The following ATRN variants were observed in gnomAD, a reference collection of about 807,000 sequenced individuals.
The protein encoded by ATRN is attractin-2.
A neutral mutation model predicts 178.7 loss-of-function variants in ATRN; 54 were observed. That is an observed-to-expected ratio of 0.30 (90% CI 0.24 to 0.38). The LOEUF (loss-of-function observed/expected upper bound fraction) is 0.38. ATRN is among the 10% of genes least tolerant of loss of function. The pLI, the probability that ATRN is intolerant of heterozygous loss-of-function variation, is 1.00. For missense variants in ATRN, 1,443 were observed against 1,815.1 expected, an observed-to-expected ratio of 0.79 and a Z score of 3.73; for synonymous variants, 636 against 663.0, an observed-to-expected ratio of 0.96 and a Z score of 0.63.
intron 28 of ATRN, among the ~76,000 whole-genome samples, chr20:3,644,494 C>T (rs987910141): frequency 2.6e-5 from 4 of 152,238 alleles, no homozygotes; most frequent in South Asian, 2.1e-4. Flanking sequence ...ACCTCCTCAC[C>T]GTTCTGGCCT....
chr20:3,562,474 T>C lies in ATRN; in HGVS notation c.1631+15T>C, dbSNP rs759140019. On this transcript the variant is annotated intron_variant, in intron 9 of 28. Coordinates refer to ENST00000262919, the MANE Select transcript of ATRN (RefSeq NM_139321.3). ...ACCCAGATGTGGTGGGTACTTTTTCTTGAGCTTTCACTTTAAGGTGTAAAT... is the reference window on the plus strand; with the variant it reads ...ACCCAGATGTGGTGGGTACTTTTTCCTGAGCTTTCACTTTAAGGTGTAAAT... The C allele has an allele frequency of 3.5e-5, 57 of 1,612,634 alleles. No homozygotes were observed. Among genetic ancestry groups the C allele is most frequent in the Middle Eastern group, 1.7e-4 (1 of 6,048 alleles).
At chr20:3,478,528 G>A (rs1187258805) in intron 1 of ATRN, among the ~76,000 whole-genome samples, 1 of 152,082 alleles carries the variant, frequency 6.6e-6, no homozygotes, top group Non-Finnish European at 1.5e-5. Flanking sequence ...ACACACTGGG[G>A]CTTTCGGTGG....
intron 23 of ATRN, among the ~76,000 whole-genome samples, chr20:3,602,520 T>C (rs555865644): frequency 1.3e-5 from 2 of 152,286 alleles, no homozygotes; most frequent in East Asian, 3.9e-4. Flanking sequence ...AAAATAAGAA[T>C]ATTGCCTTGT....
Position 3,645,026 on chromosome 20 carries a change from T to G in ATRN, c.4165+758T>G, listed in dbSNP as rs991247798. Among the ~76,000 whole-genome samples the G allele has an allele frequency of 2.0e-5, 3 of 152,268 alleles. No individual in the cohort carries two copies. The highest frequency in any genetic ancestry group is 7.2e-5 in the African/African-American group (3 of 41,468). Reference sequence around the variant, plus strand: ...CTCCATCAAATATATGAATCATGATTATATAAACTTCTATTTTGAAGACAG... The same window carrying G: ...CTCCATCAAATATATGAATCATGATGATATAAACTTCTATTTTGAAGACAG... On this transcript the variant is annotated intron_variant, in intron 28 of 28. Coordinates refer to ENST00000262919, the MANE Select transcript of ATRN (RefSeq NM_139321.3). This position sits in a 1 kb window ranked among gnomAD's most constrained non-coding sequence, Gnocchi z 4.7.
intron 24 of ATRN, among the ~76,000 whole-genome samples, chr20:3,620,315 G>C (rs1036206951): frequency 1.3e-5 from 2 of 152,072 alleles, no homozygotes; most frequent in African/African-American, 2.4e-5. Flanking sequence ...TGCGATCTTG[G>C]CTTACCGCAA....
intron 24 of ATRN, among the ~76,000 whole-genome samples, chr20:3,615,290 G>C (rs1191465992): frequency 6.6e-6 from 1 of 151,652 alleles, no homozygotes; most frequent in Non-Finnish European, 1.5e-5. Flanking sequence ...TTAGCTGGGC[G>C]TGGTGAAGTG....
At chr20:3,560,985 A>G in intron 8 of ATRN, 80 bp downstream of exon 8, 10 of 1,519,064 alleles carry the variant, frequency 6.6e-6, no homozygotes, top group East Asian at 2.3e-5. Flanking sequence ...CTGTTTAGAA[A>G]AGTTCAACCT....
intron 1 of ATRN, 80 bp downstream of exon 1, chr20:3,471,597 A>G (rs2084424161): frequency 1.5e-6 from 2 of 1,349,812 alleles, no homozygotes; most frequent in South Asian, 3.7e-5. Flanking sequence ...TCCAGGTCAG[A>G]GGGAGATGCT....
At chr20:3,646,170 T>A (rs924228835) in intron 28 of ATRN, among the ~76,000 whole-genome samples, 1 of 152,192 alleles carries the variant, frequency 6.6e-6, no homozygotes, top group African/African-American at 2.4e-5. Flanking sequence ...TAAAGAACCT[T>A]GCTTATTCCA....
intron 1 of ATRN, among the ~76,000 whole-genome samples, chr20:3,532,823 C>T (rs1392226179): frequency 6.6e-6 from 1 of 151,750 alleles, no homozygotes; most frequent in Non-Finnish European, 1.5e-5. Context: ...AGTGCAGTGG[C>T]GCGATCTTGG....
chr20:3,471,326 G>A lies in ATRN; in HGVS notation c.219G>A (p.Leu73=). The change falls in exon 1 of 29, where the codon CTG becomes CTA. Residue 73 remains leucine, a synonymous_variant. Transcript: ENST00000262919. ...TGTTGTTGCTCTCGCCGCCGCTGCT[G>A]CTGCTGCTGCTGCCCTGTGAGGCCG... ...LLLLLLSPPL[L]LLLLPCEAEA... is the part of the protein sequence containing the mutation. The A allele has an allele frequency of 2.7e-6, 4 of 1,485,556 alleles. No homozygotes were observed. Among genetic ancestry groups the A allele is most frequent in the Non-Finnish European group, 3.5e-6 (4 of 1,126,866 alleles). The allele number at this position is 1,485,556 out of a possible 1,614,324, so 92.0% of individuals were successfully genotyped here. A position where few individuals can be genotyped will look rare whatever the true frequency, so the allele number is the denominator to read the frequency against.
intron 6 of ATRN, among the ~76,000 whole-genome samples, chr20:3,550,622 AT>A (rs1301444943): frequency 6.6e-6 from 1 of 152,232 alleles, no homozygotes; most frequent in African/African-American, 2.4e-5. Context: ...TTTCCTGAAT[AT>A]GAATTTAAAG....
intron 1 of ATRN, among the ~76,000 whole-genome samples, chr20:3,506,805 TTAAAA>T (rs2085051041): frequency 1.3e-5 from 2 of 151,896 alleles, no homozygotes; most frequent in African/African-American, 4.8e-5. Flanking sequence ...GAAATAGACT[TTAAAA>T]TAAATGATTA....
chr20:3,626,430 G>C (rs2086940545), intron 25 of ATRN, among the ~76,000 whole-genome samples: 1 of 152,108 alleles, frequency 6.6e-6, no homozygotes, highest in Non-Finnish European at 1.5e-5. Flanking sequence ...GTAATATAAA[G>C]TTACAGAAAC....
Position 3,582,161 on chromosome 20 carries a change from C to T in ATRN, c.2571C>T (p.Val857=), listed in dbSNP as rs768414246. ...SMSKLTLTPW[V]GLRKINVSYW... Reference sequence around the variant, plus strand: ...CCAAGCTCACCTTAACCCCATGGGTCGGCCTTCGGAAGATCAATGTGTCCT... The same window carrying T: ...CCAAGCTCACCTTAACCCCATGGGTTGGCCTTCGGAAGATCAATGTGTCCT... Residue 857 remains valine (V), a synonymous_variant, in exon 16 of 29, where the codon GTC becomes GTT. Transcript: ENST00000262919. 2.7e-5 allele frequency: 43 copies of T among 1,613,950 alleles called. No homozygotes were observed. Among genetic ancestry groups the T allele is most frequent in the South Asian group, 1.6e-4 (15 of 91,046 alleles).
intron 19 of ATRN, among the ~76,000 whole-genome samples, chr20:3,593,669 A>G (rs1444422684): frequency 2.0e-5 from 3 of 152,190 alleles, no homozygotes; most frequent in African/African-American, 2.4e-5. Flanking sequence ...TAATCTCTGC[A>G]CTATTCTGTT....
At chr20:3,510,710 A>AT (rs1432044756) in intron 1 of ATRN, among the ~76,000 whole-genome samples, 4 of 151,868 alleles carry the variant, frequency 2.6e-5, no homozygotes, top group African/African-American at 9.7e-5. Context: ...CATCTGTCTG[A>AT]TTTTTTTAAT....
intron 1 of ATRN, among the ~76,000 whole-genome samples, chr20:3,504,058 A>G (rs1449756597): frequency 2.6e-5 from 4 of 152,210 alleles, no homozygotes; most frequent in African/African-American, 9.7e-5. Flanking sequence ...TACATTACCT[A>G]TAGGGAACAC....
At chr20:3,541,014 T>C (rs2085611018) in intron 3 of ATRN, among the ~76,000 whole-genome samples, 1 of 151,966 alleles carries the variant, frequency 6.6e-6, no homozygotes, top group African/African-American at 2.4e-5. Flanking sequence ...TTGTTTATTA[T>C]GTTTTTGGCC....
Sources: gnomAD v4.1 joint callset for allele counts (sites outside exome capture counted in the v4.1 genomes callset) on GRCh38, gnomAD v4.1.1 for gene constraint, Gnocchi (gnomAD v3.1) non-coding constraint, MANE v1.5 for transcripts, NCBI Gene and HGNC (gene_info 2026-07-23, HGNC 2026-07-21) for gene names.